Variants in KLHL1 observed in about 807,000 individuals in gnomAD.
The protein encoded by KLHL1 is kelch like family member 1.
KLHL1 carries 47 observed loss-of-function variants against 77.7 expected under a neutral mutation model. That is an observed-to-expected ratio of 0.60 (90% CI 0.48 to 0.77). KLHL1 has a LOEUF of 0.77. Ranked by LOEUF, KLHL1 falls within the 30% of genes least tolerant of loss-of-function variation. The probability of loss-of-function intolerance (pLI) is 0.00; values close to 1 mark genes in which losing one functional copy is unlikely to be tolerated. For missense variants in KLHL1, 925 were observed against 910.8 expected, an observed-to-expected ratio of 1.02 and a Z score of -0.20; for synonymous variants, 360 against 325.2, an observed-to-expected ratio of 1.11 and a Z score of -1.15.
chr13:69,816,915 G>A (rs531786586), intron 6 of KLHL1, among the ~76,000 whole-genome samples: 3 of 151,824 alleles, frequency 2.0e-5, no homozygotes, highest in South Asian at 2.1e-4. Flanking sequence ...CCAAGATGGC[G>A]CCACTGCACT....
At chr13:69,965,189 T>G (rs74090665) in intron 2 of KLHL1, among the ~76,000 whole-genome samples, 1 of 152,214 alleles carries the variant, frequency 6.6e-6, no homozygotes, top group Non-Finnish European at 1.5e-5. Flanking sequence ...GATACTGCAG[T>G]TTTTTAAAAA....
At chr13:69,992,263 G>T (rs1885046207) in intron 1 of KLHL1, among the ~76,000 whole-genome samples, 1 of 151,800 alleles carries the variant, frequency 6.6e-6, no homozygotes, top group Non-Finnish European at 1.5e-5. Flanking sequence ...TACTCTCAGG[G>T]CTGATATTCT....
intron 6 of KLHL1, among the ~76,000 whole-genome samples, chr13:69,815,245 C>T (rs1040733308): frequency 1.3e-5 from 2 of 152,156 alleles, no homozygotes; most frequent in African/African-American, 4.8e-5. Flanking sequence ...TAAAACGACA[C>T]CTGCACTCAT....
chr13:69,931,785 T>C (rs1235992440), intron 4 of KLHL1, among the ~76,000 whole-genome samples: 1 of 151,738 alleles, frequency 6.6e-6, no homozygotes, highest in Non-Finnish European at 1.5e-5. Context: ...ACACTTATTT[T>C]AACTTAAAAA....
chr13:69,717,912 G>A (rs1222168246), intron 9 of KLHL1, among the ~76,000 whole-genome samples: 2 of 152,064 alleles, frequency 1.3e-5, no homozygotes, highest in Non-Finnish European at 2.9e-5. Flanking sequence ...CGAACTTAAT[G>A]CCTTTCTCAA....
chr13:70,095,879 AT>A (rs966680238), intron 1 of KLHL1, among the ~76,000 whole-genome samples: 5 of 151,544 alleles, frequency 3.3e-5, no homozygotes. Flanking sequence ...GGTAACCATC[AT>A]TATACACTCT....
intron 5 of KLHL1, among the ~76,000 whole-genome samples, chr13:69,841,115 T>A (rs1409523873): frequency 2.0e-5 from 3 of 151,826 alleles, no homozygotes; most frequent in Non-Finnish European, 4.4e-5. Context: ...CTTAACTAGA[T>A]AAATAGTTAA....
chr13:69,757,033 C>G (rs895945138), intron 7 of KLHL1, among the ~76,000 whole-genome samples: 17 of 152,110 alleles, frequency 1.1e-4, no homozygotes, highest in Non-Finnish European at 1.3e-4. Flanking sequence ...TAATTCTTGT[C>G]CTGCTTTGGT....
intron 7 of KLHL1, among the ~76,000 whole-genome samples, chr13:69,784,337 T>C (rs566496091): frequency 6.6e-6 from 1 of 152,204 alleles, no homozygotes; most frequent in East Asian, 1.9e-4. Context: ...CATAACAATG[T>C]TAACTTTAAA....
At chr13:69,910,321 C>T (rs534224402) in intron 4 of KLHL1, among the ~76,000 whole-genome samples, 1 of 151,892 alleles carries the variant, frequency 6.6e-6, no homozygotes, top group Non-Finnish European at 1.5e-5. Flanking sequence ...ATCTAGACAC[C>T]ACTCTGTAGA....
At chr13:69,773,605 G>A (rs892638842) in intron 7 of KLHL1, among the ~76,000 whole-genome samples, 3 of 151,690 alleles carry the variant, frequency 2.0e-5, no homozygotes, top group Non-Finnish European at 4.4e-5. Flanking sequence ...ATTTCATTGT[G>A]CACCCTCTAA....
At chr13:70,028,907 G>A (rs1229958533) in intron 1 of KLHL1, among the ~76,000 whole-genome samples, 1 of 151,426 alleles carries the variant, frequency 6.6e-6, no homozygotes, top group Non-Finnish European at 1.5e-5. Flanking sequence ...AACCTGGGAA[G>A]TAGTGGCTGC....
intron 2 of KLHL1, among the ~76,000 whole-genome samples, chr13:69,974,673 T>G (rs1227520971): frequency 1.3e-5 from 2 of 151,976 alleles, no homozygotes; most frequent in African/African-American, 4.8e-5. Flanking sequence ...ATTATTTAAT[T>G]TATAAGTTAA....
chr13:69,728,639 C>G (rs574867460), intron 8 of KLHL1, among the ~76,000 whole-genome samples: 1 of 137,600 alleles, frequency 7.3e-6, no homozygotes, highest in Admixed American at 6.9e-5. Flanking sequence ...CCCGTCTCTA[C>G]TAAAAATGCC....
chr13:69,716,965 CAG>C (rs1488041009), intron 9 of KLHL1, among the ~76,000 whole-genome samples: 4 of 152,060 alleles, frequency 2.6e-5, no homozygotes, highest in African/African-American at 9.7e-5. Context: ...GAGGCTCAGT[CAG>C]AAAATTAGTT....
chr13:70,062,385 C>A (rs769236373), intron 1 of KLHL1, among the ~76,000 whole-genome samples: 1 of 151,994 alleles, frequency 6.6e-6, no homozygotes, highest in Non-Finnish European at 1.5e-5. Flanking sequence ...TTGCATGCAA[C>A]CTATTAAGTA....
chr13:69,855,333 TAGATAGATAGATAG>T (rs1566329474), intron 5 of KLHL1, among the ~76,000 whole-genome samples: 117 of 98,038 alleles, frequency 1.2e-3, no homozygotes, highest in Non-Finnish European at 2.3e-3. Context: ...GATAGATAGA[TAGATAGATAGATAG>T]ACAGACAGAT....
At position 69,829,491 on chromosome 13, in the gene KLHL1, G is replaced by A. The variant is rs192290909; in HGVS notation, c.1414+9485C>T. Reference sequence around the variant, plus strand: ...CTGACATAGTCTATCCAAATAAGAAGGAACCAGAAAAACAATTTTAGTAAT... The same window carrying A: ...CTGACATAGTCTATCCAAATAAGAAAGAACCAGAAAAACAATTTTAGTAAT... On this transcript the variant is annotated intron_variant, in intron 6 of 10. Transcript: ENST00000377844. 4.7e-5 allele frequency among the ~76,000 whole-genome samples: 7 copies of A among 149,984 alleles called. 1 individual carries two copies. The East Asian group carries it at 1.4e-3, about 29-fold the overall frequency.
chr13:70,017,095 G>A (rs1214562828), intron 1 of KLHL1, among the ~76,000 whole-genome samples: 1 of 152,154 alleles, frequency 6.6e-6, no homozygotes, highest in African/African-American at 2.4e-5. Flanking sequence ...TCTCCACTTT[G>A]CTCACCCTCC....
Sources: gnomAD v4.1 joint callset for allele counts (sites outside exome capture counted in the v4.1 genomes callset) on GRCh38, gnomAD v4.1.1 for gene constraint, MANE v1.5 for transcripts, NCBI Gene and HGNC (gene_info 2026-07-23, HGNC 2026-07-21) for gene names.